SOX6: variants seen among roughly 807,000 people sequenced by gnomAD.
SOX6 encodes the protein SRY-box transcription factor 6, also known as transcription factor SOX-6.
SOX6 carries 11 observed loss-of-function variants against 97.8 expected under a neutral mutation model. The observed-to-expected ratio is 0.11, with a 90% CI of 0.07 to 0.19. The LOEUF (loss-of-function observed/expected upper bound fraction) is 0.19, where lower values mean the gene tolerates loss of function less well. SOX6 is among the 10% of genes least tolerant of loss of function. The pLI, the probability that SOX6 is intolerant of heterozygous loss-of-function variation, is 1.00. For missense variants in SOX6, 810 were observed against 1,039.5 expected, an observed-to-expected ratio of 0.78 and a Z score of 3.04; for synonymous variants, 360 against 371.4, an observed-to-expected ratio of 0.97 and a Z score of 0.35.
chr11:16,075,669 G>C (rs988389260), intron 9 of SOX6, among the ~76,000 whole-genome samples: 1 of 152,072 alleles, frequency 6.6e-6, no homozygotes, highest in Admixed American at 6.6e-5. Flanking sequence ...AGTGGGGGCT[G>C]GGGGAGGGAT....
upstream of SOX6, among the ~76,000 whole-genome samples, chr11:16,361,098 C>G (rs532538805): frequency 5.3e-5 from 8 of 152,060 alleles, no homozygotes; most frequent in Admixed American, 6.5e-5. Context: ...TATATTCAAT[C>G]CTTATAAAAG....
chr11:16,624,816 T>A (rs1472584641), intron 3 of SOX6, among the ~76,000 whole-genome samples: 1 of 152,242 alleles, frequency 6.6e-6, no homozygotes, highest in Non-Finnish European at 1.5e-5. Context: ...GTCAGTTTTT[T>A]AAAAATATTA....
At chr11:16,331,322 T>A (rs552849681) in intron 2 of SOX6, among the ~76,000 whole-genome samples, 1 of 152,350 alleles carries the variant, frequency 6.6e-6, no homozygotes, top group African/African-American at 2.4e-5. Flanking sequence ...CAAATCCATT[T>A]GTTCCTTAAT....
chr11:16,513,965 C>A (rs943619851), intron 4 of SOX6, among the ~76,000 whole-genome samples: 7 of 152,056 alleles, frequency 4.6e-5, no homozygotes, highest in South Asian at 4.1e-4. Context: ...AATCCCAGCA[C>A]TTTGGGAGGC....
At chr11:16,433,822 GT>G (rs1266907941) in intron 1 of SOX6, among the ~76,000 whole-genome samples, 2 of 152,052 alleles carry the variant, frequency 1.3e-5, no homozygotes, top group Non-Finnish European at 1.5e-5. Flanking sequence ...ATAACATACA[GT>G]TTATAAACTA....
At chr11:16,018,467 TC>T (rs138317938) in intron 12 of SOX6, among the ~76,000 whole-genome samples, 11,515 of 152,008 alleles carry the variant, frequency 0.076, 886 homozygotes, top group East Asian at 0.35. Context: ...AAAATCAACT[TC>T]CTCTTACTGG....
intron 1 of SOX6, among the ~76,000 whole-genome samples, chr11:16,406,196 C>A (rs1187131583): frequency 6.6e-6 from 1 of 151,984 alleles, no homozygotes; most frequent in East Asian, 1.9e-4. Flanking sequence ...TTTCTTGAAA[C>A]CAACAGGAAA....
intron 3 of SOX6, among the ~76,000 whole-genome samples, chr11:16,652,489 G>GCA (rs1847667504): frequency 6.6e-6 from 1 of 151,982 alleles, no homozygotes; most frequent in African/African-American, 2.4e-5. Flanking sequence ...CTTTGACAAA[G>GCA]CAAACAAAAA....
At chr11:16,623,167 C>G (rs1213227884) in intron 3 of SOX6, among the ~76,000 whole-genome samples, 1 of 151,884 alleles carries the variant, frequency 6.6e-6, no homozygotes, top group South Asian at 2.1e-4. Context: ...ATTACAGGGG[C>G]GCGCCACCAC....
intron 3 of SOX6, among the ~76,000 whole-genome samples, chr11:16,655,363 G>A (rs1564860686): frequency 6.6e-6 from 1 of 152,160 alleles, no homozygotes; most frequent in Non-Finnish European, 1.5e-5. Flanking sequence ...AAACTGGGAA[G>A]TGAAGATTAG....
chr11:16,071,910 T>TA (rs71313436), intron 9 of SOX6, among the ~76,000 whole-genome samples: 8,270 of 136,954 alleles, frequency 0.06, 446 homozygotes, highest in Admixed American at 0.19. Flanking sequence ...CTAAGAAGAT[T>TA]AAAAAAAAAA....
intron 4 of SOX6, among the ~76,000 whole-genome samples, chr11:16,506,219 T>G (rs1860786339): frequency 6.6e-6 from 1 of 152,146 alleles, no homozygotes; most frequent in East Asian, 1.9e-4. Context: ...GGGGTGGAGC[T>G]GCCCAAGGTC....
intron 5 of SOX6, among the ~76,000 whole-genome samples, chr11:16,185,993 T>A (rs1291494950): frequency 6.6e-6 from 1 of 152,160 alleles, no homozygotes; most frequent in Non-Finnish European, 1.5e-5. Context: ...TTAATTTAGA[T>A]CTGTCTGATC....
At chr11:16,015,804 T>C (rs1392017992) in intron 12 of SOX6, among the ~76,000 whole-genome samples, 5 of 152,128 alleles carry the variant, frequency 3.3e-5, no homozygotes, top group Middle Eastern at 3.4e-3. Context: ...GGTGTTCTTG[T>C]CTGCAGAAAA....
chr11:16,336,277 G>A (rs1856456704), intron 2 of SOX6, among the ~76,000 whole-genome samples: 1 of 152,066 alleles, frequency 6.6e-6, no homozygotes. Flanking sequence ...TTGCTTCTTA[G>A]GCAAAAAGCT....
chr11:16,451,778 C>T (rs765834332), intron 1 of SOX6, among the ~76,000 whole-genome samples: 2 of 151,844 alleles, frequency 1.3e-5, no homozygotes, highest in Admixed American at 6.6e-5. Context: ...CTGGCTGATG[C>T]CTCCCAACAC....
intron 6 of SOX6, among the ~76,000 whole-genome samples, chr11:16,132,279 G>A (rs375261240): frequency 3.8e-5 from 1 of 26,388 alleles, no homozygotes; most frequent in Non-Finnish European, 7.2e-5. Context: ...AGGAAGGAAG[G>A]AAGGAAGGAA....
At chr11:16,362,682 G>A (rs1031100774) in intron 1 of SOX6, among the ~76,000 whole-genome samples, 13 of 152,062 alleles carry the variant, frequency 8.5e-5, no homozygotes, top group African/African-American at 2.7e-4. Context: ...AAAAAGCAGA[G>A]AAGCCCATCT....
intron 3 of SOX6, among the ~76,000 whole-genome samples, chr11:16,291,483 G>A (rs113975477): frequency 2.3e-3 from 351 of 151,980 alleles, no homozygotes; most frequent in Non-Finnish European, 3.3e-3. Context: ...ACACCATTAC[G>A]TTTTTTGTTG....
Sources: allele counts gnomAD v4.1 joint callset (sites outside exome capture counted in the v4.1 genomes callset), GRCh38; gene constraint gnomAD v4.1.1; transcripts MANE v1.5; gene names NCBI Gene and HGNC (gene_info 2026-07-23, HGNC 2026-07-21).